The following TEAD3 variants were observed in gnomAD, a reference collection of about 807,000 sequenced individuals.
TEAD3 encodes transcriptional enhancer factor TEF-5.
A neutral mutation model predicts 55.6 loss-of-function variants in TEAD3; 15 were observed. The observed-to-expected ratio is 0.27, with a 90% CI of 0.18 to 0.42. TEAD3 has a LOEUF of 0.42. TEAD3 is among the 10% of genes least tolerant of loss of function. TEAD3 has a pLI of 1.00. For missense variants in TEAD3, 407 were observed against 576.8 expected (o/e 0.71, Z 3.01); for synonymous variants, 210 against 232.2 (o/e 0.90, Z 0.87).
chr6:35,476,113 G>T, intron 9 of TEAD3, 21 bp from the exon 10 acceptor site: 1 of 1,536,270 alleles, frequency 6.5e-7, no homozygotes, highest in Admixed American at 2.0e-5. Context: ...GGCCCAGACA[G>T]GGTCAGGAGA....
At chr6:35,477,394 G>A in intron 7 of TEAD3, 22 bp from the exon 8 acceptor site, 1 of 1,595,372 alleles carries the variant, frequency 6.3e-7, no homozygotes, top group Non-Finnish European at 8.5e-7. Flanking sequence ...AGCACAGCCT[G>A]GTGAGAGGGT....
intron 1 of TEAD3, among the ~76,000 whole-genome samples, chr6:35,487,132 A>G (rs1205943277): frequency 6.6e-6 from 1 of 152,240 alleles, no homozygotes; most frequent in Admixed American, 6.5e-5. Context: ...CAAACCTCAC[A>G]AAACTAGGCC....
intron 1 of TEAD3, among the ~76,000 whole-genome samples, chr6:35,495,038 ACT>A (rs1768611306): frequency 2.0e-5 from 3 of 152,136 alleles, no homozygotes; most frequent in Admixed American, 2.0e-4. Flanking sequence ...TGGGAGACAG[ACT>A]CTGGGAGGAG....
intron 1 of TEAD3, among the ~76,000 whole-genome samples, chr6:35,492,900 G>C (rs1287698775): frequency 6.6e-6 from 1 of 152,000 alleles, no homozygotes; most frequent in Non-Finnish European, 1.5e-5. Context: ...TCCTCATCTT[G>C]TCCTGGTCCC....
exon 8 of TEAD3, chr6:35,477,355 T>C (rs1768171417): frequency 6.2e-7 from 1 of 1,602,960 alleles, no homozygotes; most frequent in Non-Finnish European, 8.5e-7. Context: ...GTAGGCTGGC[T>C]GTGCAAAGGG....
chr6:35,476,487 T>A, intron 8 of TEAD3, 52 bp from the exon 9 acceptor site: 2 of 1,598,092 alleles, frequency 1.3e-6, no homozygotes, highest in East Asian at 4.5e-5. Context: ...AGGTGCTTAC[T>A]GACAAAGCTG....
chr6:35,478,220 C>G (rs1768192922), intron 7 of TEAD3, 55 bp downstream of exon 7: 1 of 1,604,786 alleles, frequency 6.2e-7, no homozygotes, highest in Admixed American at 1.7e-5. Context: ...GGGAGGGAAG[C>G]CCTGTGCGGC....
At chr6:35,481,235 G>C (rs1371528277) in intron 3 of TEAD3, among the ~76,000 whole-genome samples, 2 of 152,080 alleles carry the variant, frequency 1.3e-5, no homozygotes, top group African/African-American at 4.8e-5. Context: ...CCTGGGCTGT[G>C]TGCCCAGCTG....
At position 35,485,220 on chromosome 6, in the gene TEAD3, G is replaced by A. The variant is rs1240784790; in HGVS notation, c.203-596C>T. Among the ~76,000 whole-genome samples, 1 of 152,206 alleles carries A rather than the reference G, an allele frequency of 6.6e-6. No individual in the cohort carries two copies. The highest frequency in any genetic ancestry group is 1.5e-5 in the Non-Finnish European group (1 of 68,022). The stretch of plus-strand genomic sequence containing the variant: ...AATGTGCCTCCTACACTGGCGGCCT[G>A]TGTCAAGATGTGTCACTGAGCATGT... On this transcript the variant is annotated intron_variant, in intron 2 of 12. Transcript: ENST00000639578. This position sits in a 1 kb window ranked among gnomAD's most constrained non-coding sequence, Gnocchi z 4.3.
Position 35,486,358 on chromosome 6 carries a change from C to T in TEAD3, c.202+103G>A, listed in dbSNP as rs1768379781. On this transcript the variant is annotated intron_variant, in intron 2 of 12. Coordinates refer to ENST00000639578, the Ensembl canonical transcript of TEAD3. The surrounding 1 kb of genome is among the most constrained non-coding windows in gnomAD (Gnocchi z 7.3). ...CACAGGCTTGCGCGCCCAGACTCGCCCGGCCAGCGGCTGGCGGCCTCCGAC... is the reference window on the plus strand; with the variant it reads ...CACAGGCTTGCGCGCCCAGACTCGCTCGGCCAGCGGCTGGCGGCCTCCGAC... 5.1e-6 allele frequency: 7 copies of T among 1,382,324 alleles called. No homozygotes were observed. Among genetic ancestry groups the T allele is most frequent in the Admixed American group, 4.7e-5 (2 of 42,258 alleles). The allele number at this position is 1,382,324 out of a possible 1,614,324, so 85.6% of individuals were successfully genotyped here. A position where few individuals can be genotyped will look rare whatever the true frequency, so the allele number is the denominator to read the frequency against.
At chr6:35,477,515 A>C (rs944493568) in intron 7 of TEAD3, 143 bp from the exon 8 acceptor site, 7 of 700,582 alleles carry the variant, frequency 1.0e-5, no homozygotes, top group Non-Finnish European at 1.6e-5. Context: ...GCTAACTCGC[A>C]AGCTTTTTGT....
chr6:35,487,176 T>C (rs1768402668), intron 1 of TEAD3, among the ~76,000 whole-genome samples: 1 of 152,148 alleles, frequency 6.6e-6, no homozygotes, highest in African/African-American at 2.4e-5. Context: ...TCCCAGCACT[T>C]TGGGAGGCCG....
chr6:35,480,182 G>A, intron 3 of TEAD3, 130 bp downstream of exon 4: 1 of 1,549,884 alleles, frequency 6.5e-7, no homozygotes, highest in South Asian at 1.2e-5. Flanking sequence ...GGCAGAAACA[G>A]AGCTTCAGCC....
In TEAD3 at chr6:35,475,556, C is replaced by A. The variant is rs1365457816; in HGVS notation, c.1041+10G>T. 4 of 1,607,280 alleles carry A rather than the reference C, an allele frequency of 2.5e-6. No homozygotes were observed. In the East Asian group the frequency reaches 8.9e-5, roughly 36 times the overall value. On this transcript the variant is annotated intron_variant, in intron 11 of 12. Transcript: ENST00000639578. The surrounding 1 kb of genome is among the most constrained non-coding windows in gnomAD (Gnocchi z 5.4). ...CCAGCCCCACCAAGCCACCCAGAGC[C>A]CCCACTCACCTCCACCTTCTCTACC... is the stretch of plus-strand genomic sequence containing the variant.
chr6:35,476,310 G>T (rs1299583231), exon 9 of TEAD3: 1 of 1,612,022 alleles, frequency 6.2e-7, no homozygotes, highest in Admixed American at 1.7e-5. Flanking sequence ...ACCGTGTCAG[G>T]GTCTCGCTGC....
rs536948687 is a variant in TEAD3 at position 35,496,737 on chromosome 6, C to G, written c.-50+161G>C. ...GCTTCCCGGAGAGATTTTCCCCCTTCCCTCTAAACTTCCCGGCACCCCGAT... is the reference window on the plus strand; with the variant it reads ...GCTTCCCGGAGAGATTTTCCCCCTTGCCTCTAAACTTCCCGGCACCCCGAT... On this transcript the variant is annotated intron_variant, in intron 1 of 12. Coordinates refer to ENST00000639578, the Ensembl canonical transcript of TEAD3. The surrounding 1 kb of genome is among the most constrained non-coding windows in gnomAD (Gnocchi z 4.8). Among the ~76,000 whole-genome samples the G allele has an allele frequency of 2.0e-5, 3 of 152,044 alleles. No homozygotes were observed. Among genetic ancestry groups the G allele is most frequent in the Non-Finnish European group, 4.4e-5 (3 of 67,916 alleles).
chr6:35,478,188 C>A, intron 7 of TEAD3, 87 bp downstream of exon 7: 1 of 1,528,750 alleles, frequency 6.5e-7, no homozygotes, highest in Non-Finnish European at 9.0e-7. Flanking sequence ...AAACTTTGCT[C>A]AGCTGTTGCT....
Position 35,476,375 on chromosome 6 carries a change from C to T in TEAD3, c.653G>A (p.Arg218His), listed in dbSNP as rs201570534. 2.9e-5 allele frequency: 47 copies of T among 1,612,922 alleles called. No individual in the cohort carries two copies. In the Admixed American group the frequency reaches 3.7e-4, roughly 13 times the overall value. The stretch of plus-strand genomic sequence containing the variant: ...CCGCAGCCGGGAGGAGGCAATGGTA[C>T]GGTCCTGCCACACAGGCACAGAGGC... Residue 218 changes from arginine (R) to histidine (H), a missense_variant, in exon 9 of 13, where the codon CGT becomes CAT. Arg to His is a conservative substitution (Grantham distance 29, BLOSUM62 0). Coordinates refer to ENST00000639578, the Ensembl canonical transcript of TEAD3.
chr6:35,490,932 G>A (rs1344491681), intron 1 of TEAD3, among the ~76,000 whole-genome samples: 2 of 151,986 alleles, frequency 1.3e-5, no homozygotes. Flanking sequence ...CTGCCTCGCT[G>A]TGCTGTGCCA....
Sources: allele counts gnomAD v4.1 joint callset (sites outside exome capture counted in the v4.1 genomes callset), GRCh38; gene constraint gnomAD v4.1.1; non-coding constraint Gnocchi (gnomAD v3.1); transcripts MANE v1.5; gene names NCBI Gene and HGNC (gene_info 2026-07-23, HGNC 2026-07-21).